Variants in ATG2B observed in about 807,000 individuals in gnomAD.
ATG2B encodes the protein autophagy-related protein 2 homolog B.
Under a neutral mutation model 241.3 loss-of-function variants are expected in ATG2B, and 121 were observed. The observed-to-expected ratio is 0.50, with a 90% confidence interval of 0.43 to 0.58. ATG2B has a LOEUF of 0.58. Among genes scored for constraint, ATG2B ranks in the 20% least tolerant of loss-of-function variants. ATG2B has a pLI of 0.00. For synonymous variants in ATG2B, 858 were observed against 876.6 expected (o/e 0.98, Z 0.37); for missense variants, 2,306 against 2,491.6 (o/e 0.93, Z 1.59).
chr14:96,353,595 C>T (rs1000047617), intron 1 of ATG2B, among the ~76,000 whole-genome samples: 7 of 151,718 alleles, frequency 4.6e-5, no homozygotes, highest in Non-Finnish European at 7.4e-5. Flanking sequence ...CACTGCATTC[C>T]AGCCAGGGCG....
intron 6 of ATG2B, among the ~76,000 whole-genome samples, chr14:96,339,168 C>T (rs750861362): frequency 2.6e-5 from 4 of 152,038 alleles, no homozygotes; most frequent in African/African-American, 7.2e-5. Context: ...AACACTTTTA[C>T]ACTGCTGGTA....
At position 96,317,776 on chromosome 14, in the gene ATG2B, C is replaced by T; in HGVS notation, c.2959G>A (p.Gly987Arg). ...ATGAGCTGACTGGCTACTGAAAGCC[C>T]AATGCCATAGGAAATATTCTCGAAT... is the stretch of plus-strand genomic sequence containing the variant. ...ETFENISYGI[G>R]LSVASQLINT... The change falls in exon 19 of 42, where the codon GGG becomes AGG. Residue 987 changes from glycine to arginine, a missense_variant. Gly to Arg is a moderately radical substitution (Grantham distance 125). Coordinates refer to ENST00000359933, the MANE Select transcript of ATG2B (RefSeq NM_018036.7). 2 of 1,613,032 alleles carry T rather than the reference C, an allele frequency of 1.2e-6. No homozygotes were observed. The highest frequency in any genetic ancestry group is 1.7e-6 in the Non-Finnish European group (2 of 1,179,254).
rs1183290340 is a variant in ATG2B, at chr14:96,322,240, T to TCC, written c.2749_2750dup (p.Asp918GlufsTer4). 3.1e-6 allele frequency: 5 copies of TCC among 1,593,496 alleles called. No homozygotes were observed. On this transcript the variant is annotated frameshift_variant, in exon 18 of 42. Coordinates refer to ENST00000359933, the MANE Select transcript of ATG2B (RefSeq NM_018036.7). LOFTEE classifies it high-confidence loss of function. ...GAAATTCTGTCATTTCTACAGGGTC[T>TCC]CCTGGCATCACCATCTAAAACATAA... is the stretch of plus-strand genomic sequence containing the variant.
intron 1 of ATG2B, among the ~76,000 whole-genome samples, chr14:96,353,726 C>T (rs1225515190): frequency 6.6e-6 from 1 of 150,992 alleles, no homozygotes; most frequent in Non-Finnish European, 1.5e-5. Context: ...AAGCCTAATG[C>T]CAACAGAAAA....
intron 29 of ATG2B, among the ~76,000 whole-genome samples, chr14:96,308,247 T>TACAC (rs1566719684): frequency 2.3e-4 from 3 of 13,314 alleles, no homozygotes; most frequent in Non-Finnish European, 3.5e-4. Flanking sequence ...TATATATATA[T>TACAC]ATATACACAC....
At position 96,290,596 on chromosome 14, in the gene ATG2B, A is replaced by G. The variant is rs1220019326; in HGVS notation, c.5702-6T>C. On this transcript the variant is annotated splice_region_variant and splice_polypyrimidine_tract_variant and intron_variant, in intron 39 of 41. Transcript: ENST00000359933. This position sits in a 1 kb window ranked among gnomAD's most constrained non-coding sequence, Gnocchi z 4.4. ...CAAGTCCTTTAGGCCTTGTACTACA[A>G]CAGTCAACACAAAATCAACATCAGT... The G allele has an allele frequency of 1.2e-6, 2 of 1,613,398 alleles. No individual in the cohort carries two copies. The highest frequency in any genetic ancestry group is 1.7e-6 in the Non-Finnish European group (2 of 1,179,690).
intron 11 of ATG2B, among the ~76,000 whole-genome samples, chr14:96,330,490 G>A (rs559149724): frequency 8.6e-5 from 13 of 151,532 alleles, no homozygotes; most frequent in African/African-American, 1.2e-4. Context: ...AAGGCTGGGC[G>A]TGGTGGCTCA....
rs879481149 is a variant in ATG2B, at chr14:96,345,045, C to CA, written c.478+187dup. ...CATAATAAATGGAGAAACTAAGGTA[C>CA]AAAAAAAAAAACAACATGCAATTAA... On this transcript the variant is annotated intron_variant, in intron 3 of 41. Coordinates refer to ENST00000359933, the MANE Select transcript of ATG2B (RefSeq NM_018036.7). 8.6e-3 allele frequency among the ~76,000 whole-genome samples: 1,145 copies of CA among 132,996 alleles called. 13 individuals carry two copies. The highest frequency in any genetic ancestry group is 0.027 in the African/African-American group (986 of 36,460). The allele number at this position is 132,996 out of a possible 152,430, so 87.3% of individuals were successfully genotyped here. A position where few individuals can be genotyped will look rare whatever the true frequency, so the allele number is the denominator to read the frequency against.
intron 1 of ATG2B, among the ~76,000 whole-genome samples, chr14:96,350,550 C>T (rs1015981183): frequency 2.6e-5 from 4 of 152,162 alleles, no homozygotes; most frequent in African/African-American, 9.7e-5. Context: ...AGGAGACAGA[C>T]AGAAAGAACG....
At chr14:96,291,166 T>C (rs1001458491) in intron 38 of ATG2B, among the ~76,000 whole-genome samples, 3 of 152,096 alleles carry the variant, frequency 2.0e-5, no homozygotes, top group African/African-American at 4.8e-5. Flanking sequence ...CACACACATA[T>C]ATATAAAATC....
Position 96,290,995 on chromosome 14 carries a change from T to C in ATG2B, c.5580-60A>G. On this transcript the variant is annotated intron_variant, in intron 38 of 41. Coordinates refer to ENST00000359933, the MANE Select transcript of ATG2B (RefSeq NM_018036.7). The surrounding 1 kb of genome is among the most constrained non-coding windows in gnomAD (Gnocchi z 4.4). ...AAATACATTTATAGACACAGATTAG[T>C]TTGAGGGTTTTTTTTTACTTAAAAC... is the stretch of plus-strand genomic sequence containing the variant. 1 of 1,418,946 alleles carries C rather than the reference T, an allele frequency of 7.0e-7. No individual in the cohort carries two copies. The highest frequency in any genetic ancestry group is 9.4e-7 in the Non-Finnish European group (1 of 1,065,462). 87.9% of individuals were successfully genotyped at this position (1,418,946 alleles called of 1,614,324 possible). A position where few individuals can be genotyped will look rare whatever the true frequency, so the allele number is the denominator to read the frequency against.
At chr14:96,361,499 A>C (rs2139916711) in intron 1 of ATG2B, among the ~76,000 whole-genome samples, 1 of 152,306 alleles carries the variant, frequency 6.6e-6, no homozygotes, top group East Asian at 1.9e-4. Flanking sequence ...TCTTTTTTCA[A>C]GATAACCTAT....
Position 96,309,709 on chromosome 14 carries a change from AC to A in ATG2B, c.4162-116del, listed in dbSNP as rs144774597. On this transcript the variant is annotated intron_variant, in intron 28 of 41. Coordinates refer to ENST00000359933, the MANE Select transcript of ATG2B (RefSeq NM_018036.7). ...TTGTACAAAAACATCAGAAATAGAA[AC>A]CTACTCATTTTTCTATGCCCAGCAG... 1,372 of 1,001,748 alleles carry A rather than the reference AC, an allele frequency of 1.4e-3. 16 individuals are homozygous for A. The African/African-American group carries it at 0.021, about 15-fold the overall frequency. The allele number at this position is 1,001,748 out of a possible 1,614,324, so 62.1% of individuals were successfully genotyped here. A position where few individuals can be genotyped will look rare whatever the true frequency, so the allele number is the denominator to read the frequency against.
intron 25 of ATG2B, 75 bp from the exon 26 acceptor site, chr14:96,312,234 T>TA: frequency 1.1e-6 from 1 of 939,448 alleles, no homozygotes; most frequent in South Asian, 1.5e-5. Context: ...ACTATATGCT[T>TA]AATTGCATCA....
At chr14:96,315,785 A>T (rs1237019325) in intron 21 of ATG2B, among the ~76,000 whole-genome samples, 3 of 152,228 alleles carry the variant, frequency 2.0e-5, no homozygotes, top group Non-Finnish European at 4.4e-5. Context: ...GCTTAAAGAA[A>T]CAAAAGATTC....
rs528135958 is a variant in ATG2B at position 96,315,561 on chromosome 14, G to A, written c.3384C>T (p.Leu1128=). ...AGCTGGGAAGTCGTGTTTCTGTCGG[G>A]AGAATCACTCCATTCACTATGCCTA... ...YHKGIVNGVI[L]PTETRLPSST... Residue 1128 remains leucine, a synonymous_variant, in exon 22 of 42, where the codon CTC becomes CTT. Coordinates refer to ENST00000359933, the MANE Select transcript of ATG2B (RefSeq NM_018036.7). 212 of 1,613,960 alleles carry A rather than the reference G, an allele frequency of 1.3e-4. 4 individuals carry two copies. In the South Asian group the frequency reaches 1.5e-3, roughly 11 times the overall value.
At chr14:96,327,037 T>C (rs1199350501) in intron 14 of ATG2B, among the ~76,000 whole-genome samples, 1 of 151,926 alleles carries the variant, frequency 6.6e-6, no homozygotes, top group Non-Finnish European at 1.5e-5. Context: ...TTGATAACAA[T>C]AACAAAGAAT....
chr14:96,307,830 A>G (rs1566719308), intron 29 of ATG2B, among the ~76,000 whole-genome samples: 1 of 152,160 alleles, frequency 6.6e-6, no homozygotes, highest in Non-Finnish European at 1.5e-5. Flanking sequence ...GCAAAAGATT[A>G]CATGTGCACC....
chr14:96,301,424 A>C (rs1228475225), intron 34 of ATG2B, among the ~76,000 whole-genome samples: 1 of 152,218 alleles, frequency 6.6e-6, no homozygotes, highest in Non-Finnish European at 1.5e-5. Context: ...CTTGGTAAAA[A>C]GTTTCTGGAA....
Sources: allele counts gnomAD v4.1 joint callset (sites outside exome capture counted in the v4.1 genomes callset), GRCh38; gene constraint gnomAD v4.1.1; non-coding constraint Gnocchi (gnomAD v3.1); transcripts MANE v1.5; gene names NCBI Gene and HGNC (gene_info 2026-07-23, HGNC 2026-07-21).